PRKDC: variants seen among roughly 807,000 people sequenced by gnomAD.
PRKDC encodes the protein protein kinase, DNA-activated, catalytic subunit, also known as DNA-dependent protein kinase catalytic subunit.
PRKDC carries 82 observed loss-of-function variants against 486.9 expected under a neutral mutation model. The observed-to-expected ratio is 0.17, with a 90% CI of 0.14 to 0.20. The LOEUF (loss-of-function observed/expected upper bound fraction) is 0.20, where lower values mean the gene tolerates loss of function less well. Ranked by LOEUF, PRKDC falls within the 10% of genes least tolerant of loss-of-function variation. PRKDC has a pLI of 1.00. For synonymous variants in PRKDC, 1,895 were observed against 1,837.0 expected (o/e 1.03, Z -0.81); for missense variants, 4,504 against 5,038.2 (o/e 0.89, Z 3.21).
chr8:47,821,914 A>G, intron 64 of PRKDC, 122 bp from the exon 65 acceptor site: 3 of 913,164 alleles, frequency 3.3e-6, no homozygotes, highest in Non-Finnish European at 4.8e-6. Flanking sequence ...TACGGAAAGG[A>G]GAGAGAAAAG....
intron 68 of PRKDC, 94 bp downstream of exon 68, chr8:47,817,356 A>G: frequency 2.2e-6 from 2 of 905,964 alleles, no homozygotes; most frequent in Non-Finnish European, 3.4e-6. Context: ...CTAGGCTCAA[A>G]TCCCACATTT....
At chr8:47,862,214 G>C in intron 43 of PRKDC, 87 bp from the exon 44 acceptor site, 1 of 1,392,188 alleles carries the variant, frequency 7.2e-7, no homozygotes, top group Non-Finnish European at 9.8e-7. Context: ...CTATGTAATA[G>C]CTCATGGAAA....
In PRKDC at chr8:47,803,341, T is replaced by C; in HGVS notation, c.9887A>G (p.Gln3296Arg). Reference sequence around the variant, plus strand: ...GACTGTTTTCAGCACAGTGAGCACCTGCTCAGAGCAGCCCTGGGACCGGCT... The same window carrying C: ...GACTGTTTTCAGCACAGTGAGCACCCGCTCAGAGCAGCCCTGGGACCGGCT... ...CRSRSQGCSE[Q>R]VLTVLKTVSL... Residue 3296 changes from glutamine (Q) to arginine (R), a missense_variant, in exon 70 of 86, where the codon CAG (glutamine) becomes CGG (arginine). This residue lies in a region of PRKDC where 1,592 missense variants were observed against 1,724.6 expected (regional missense o/e 0.92). Transcript: ENST00000314191. 6.2e-7 allele frequency: 1 copy of C among 1,613,726 alleles called. No individual in the cohort carries two copies. Among genetic ancestry groups the C allele is most frequent in the Admixed American group, 1.7e-5 (1 of 59,946 alleles).
chr8:47,862,450 C>A lies in PRKDC; in HGVS notation c.5842G>T (p.Ala1948Ser). ...RLYHCAAYNC[A>S]ISVICCVFNE... ...AAGACACAGCAGATGACAGATATGG[C>A]GCAGTTGTATGCTGCACAATGGTAA... Residue 1948 changes from alanine (A) to serine (S), a missense_variant, in exon 43 of 86, where the codon GCC becomes TCC. Transcript: ENST00000314191. 6.2e-7 allele frequency: 1 copy of A among 1,613,904 alleles called. No homozygotes were observed. The highest frequency in any genetic ancestry group is 8.5e-7 in the Non-Finnish European group (1 of 1,179,818).
chr8:47,780,486 G>A (rs1010125352), intron 80 of PRKDC, among the ~76,000 whole-genome samples: 3 of 152,122 alleles, frequency 2.0e-5, no homozygotes, highest in South Asian at 2.1e-4. Flanking sequence ...AAGTTTTCCC[G>A]ATAAAATCTA....
intron 40 of PRKDC, among the ~76,000 whole-genome samples, chr8:47,869,835 A>G (rs1299677053): frequency 1.3e-5 from 2 of 152,102 alleles, no homozygotes; most frequent in Non-Finnish European, 2.9e-5. Context: ...GACTGGCAGC[A>G]TTCACCACAA....
chr8:47,858,385 C>T (rs2088593586), intron 48 of PRKDC, 131 bp downstream of exon 48: 17 of 826,594 alleles, frequency 2.1e-5, no homozygotes, highest in Non-Finnish European at 3.0e-5. Flanking sequence ...TCATGCTCTG[C>T]CCCTTTATAT....
intron 7 of PRKDC, among the ~76,000 whole-genome samples, chr8:47,947,991 G>A (rs951630062): frequency 4.6e-5 from 7 of 151,668 alleles, no homozygotes; most frequent in Admixed American, 2.6e-4. Context: ...ACCACGGTGG[G>A]AGCATCATTT....
At chr8:47,817,665 T>A in intron 67 of PRKDC, 104 bp from the exon 68 acceptor site, 2 of 661,054 alleles carry the variant, frequency 3.0e-6, no homozygotes, top group Admixed American at 2.9e-5. Flanking sequence ...CTGCCCAAAT[T>A]ACAAAAAAGT....
chr8:47,887,561 C>T lies in PRKDC; in HGVS notation c.4558G>A (p.Ala1520Thr). 1 of 1,583,844 alleles carries T rather than the reference C, an allele frequency of 6.3e-7. No individual in the cohort carries two copies. ...LASGLLELAF[A>T]FGGLCERLVS... ...GTTTTTCCTACCAGTCCTCCAAAAGCAAAGGCTAACTCCAGAAGTCCGCTG... is the reference window on the plus strand; with the variant it reads ...GTTTTTCCTACCAGTCCTCCAAAAGTAAAGGCTAACTCCAGAAGTCCGCTG... The change falls in exon 35 of 86, where the codon GCT (alanine) becomes ACT (threonine). Residue 1520 changes from alanine to threonine, a missense_variant. Ala to Thr is a moderately conservative substitution (Grantham distance 58). Coordinates refer to ENST00000314191, the MANE Select transcript of PRKDC (RefSeq NM_006904.7).
At chr8:47,824,365 T>C (rs1435124782) in intron 63 of PRKDC, among the ~76,000 whole-genome samples, 3 of 150,286 alleles carry the variant, frequency 2.0e-5, no homozygotes, top group Admixed American at 6.7e-5. Context: ...TCCCAGCTAC[T>C]TGGGAGGCTG....
chr8:47,926,346 C>T (rs747176700), intron 21 of PRKDC, among the ~76,000 whole-genome samples: 3 of 152,148 alleles, frequency 2.0e-5, no homozygotes, highest in Non-Finnish European at 4.4e-5. Flanking sequence ...AAAAAGGAGA[C>T]ACAGTGCATG....
chr8:47,937,092 TAA>T (rs1258352052), intron 11 of PRKDC, among the ~76,000 whole-genome samples: 11 of 119,824 alleles, frequency 9.2e-5, no homozygotes, highest in Non-Finnish European at 1.2e-4. Context: ...CGTCTCTACT[TAA>T]AAAAAAAAAA....
chr8:47,794,548 C>A (rs755254047), intron 73 of PRKDC, 47 bp from the exon 74 acceptor site: 4 of 1,429,766 alleles, frequency 2.8e-6, no homozygotes, highest in Admixed American at 2.1e-5. Flanking sequence ...CATCTCACAT[C>A]ATCTGTTATA....
chr8:47,896,956 A>C (rs1480915046), intron 30 of PRKDC, among the ~76,000 whole-genome samples: 1 of 152,198 alleles, frequency 6.6e-6, no homozygotes, highest in Non-Finnish European at 1.5e-5. Flanking sequence ...ATGATTTGAG[A>C]TCATTCAGAC....
chr8:47,886,055 A>T lies in PRKDC; in HGVS notation c.4665T>A (p.His1555Gln). Residue 1555 changes from histidine to glutamine, a missense_variant, in exon 36 of 86, where the codon CAT (histidine) becomes CAA (glutamine). His to Gln is a conservative substitution (Grantham distance 24). This residue lies in a region of PRKDC where 1,969 missense variants were observed against 2,068.9 expected (regional missense o/e 0.95). Transcript: ENST00000314191. ...AGAACAAGCTATAGAAATACTCCCC[A>T]TGGGAGAAGTGGATGACGCTGCCCT... Reference protein sequence around the residue: ...SSQGSVIHFSHGEYFYSLFSE... With the variant: ...SSQGSVIHFSQGEYFYSLFSE... 1 of 1,613,712 alleles carries T rather than the reference A, an allele frequency of 6.2e-7. No homozygotes were observed. Among genetic ancestry groups the T allele is most frequent in the African/African-American group, 1.3e-5 (1 of 75,068 alleles).
At chr8:47,902,544 C>T in intron 27 of PRKDC, 25 bp downstream of exon 27, 1 of 1,444,372 alleles carries the variant, frequency 6.9e-7, no homozygotes, top group Non-Finnish European at 9.2e-7. Context: ...ACAAGTTTCT[C>T]TTCTCTGTTG....
chr8:47,796,324 G>T (rs1014985564), intron 73 of PRKDC, among the ~76,000 whole-genome samples: 1 of 151,734 alleles, frequency 6.6e-6, no homozygotes, highest in African/African-American at 2.4e-5. Context: ...GGGTGACAGC[G>T]AGACTCCGTC....
intron 40 of PRKDC, among the ~76,000 whole-genome samples, chr8:47,867,103 T>C (rs181674714): frequency 6.1e-4 from 93 of 152,304 alleles, no homozygotes; most frequent in Non-Finnish European, 1.2e-3. Flanking sequence ...AGGGCTACTT[T>C]AAAATACTAT....
Sources: gnomAD v4.1 joint callset for allele counts (sites outside exome capture counted in the v4.1 genomes callset) on GRCh38, gnomAD v4.1.1 for gene constraint, gnomAD v4.1.1 regional missense constraint, MANE v1.5 for transcripts, NCBI Gene and HGNC (gene_info 2026-07-23, HGNC 2026-07-21) for gene names.